Variants in PDLIM5 observed in about 807,000 individuals in gnomAD.
The protein encoded by PDLIM5 is PDZ and LIM domain 5, also known as PDZ and LIM domain protein 5.
In PDLIM5, 34 loss-of-function variants were observed where a neutral mutation model predicts 64.2. The observed-to-expected ratio is 0.53, with a 90% CI of 0.40 to 0.71. The LOEUF (loss-of-function observed/expected upper bound fraction) is 0.71, where lower values mean the gene tolerates loss of function less well. PDLIM5 is among the 30% of genes least tolerant of loss of function. PDLIM5 has a pLI of 0.00. For missense variants in PDLIM5, 683 were observed against 733.6 expected (o/e 0.93, Z 0.80); for synonymous variants, 253 against 269.1 (o/e 0.94, Z 0.59).
At chr4:94,461,884 T>C (rs1054432218) in intron 2 of PDLIM5, among the ~76,000 whole-genome samples, 25 of 152,264 alleles carry the variant, frequency 1.6e-4, no homozygotes, top group Admixed American at 6.5e-4. Context: ...AGAGGACTTT[T>C]TAAAAGGCTG....
intron 9 of PDLIM5, among the ~76,000 whole-genome samples, chr4:94,643,705 C>T (rs1741182510): frequency 6.6e-6 from 1 of 152,158 alleles, no homozygotes; most frequent in African/African-American, 2.4e-5. Context: ...GCCTACAGTA[C>T]AGCACCAGAA....
At chr4:94,520,984 G>A (rs1206236085) in intron 2 of PDLIM5, among the ~76,000 whole-genome samples, 1 of 152,168 alleles carries the variant, frequency 6.6e-6, no homozygotes, top group African/African-American at 2.4e-5. Flanking sequence ...CCTAATAATT[G>A]TTATACAAAG....
intron 2 of PDLIM5, among the ~76,000 whole-genome samples, chr4:94,476,826 A>G (rs2510762): frequency 0.45 from 69,078 of 152,018 alleles, 16,367 homozygotes; most frequent in African/African-American, 0.55. Flanking sequence ...GTAACCTAGA[A>G]TAAGTTATAA....
chr4:94,630,098 C>T (rs1740020761), intron 8 of PDLIM5, among the ~76,000 whole-genome samples: 1 of 152,158 alleles, frequency 6.6e-6, no homozygotes, highest in Non-Finnish European at 1.5e-5. Flanking sequence ...GACTGCTACC[C>T]AATTTAGTAT....
chr4:94,641,124 T>C (rs1740972176), intron 9 of PDLIM5, among the ~76,000 whole-genome samples: 1 of 152,202 alleles, frequency 6.6e-6, no homozygotes, highest in South Asian at 2.1e-4. Context: ...TAGGCACCAG[T>C]GCTGATTGCA....
chr4:94,607,147 GGT>G (rs540430226), intron 7 of PDLIM5, among the ~76,000 whole-genome samples: 363 of 151,956 alleles, frequency 2.4e-3, no homozygotes, highest in African/African-American at 8.4e-3. Flanking sequence ...TCAACACTCT[GGT>G]AAAGGTATGA....
At chr4:94,497,850 G>A (rs1727544013) in intron 2 of PDLIM5, among the ~76,000 whole-genome samples, 3 of 152,170 alleles carry the variant, frequency 2.0e-5, no homozygotes, top group African/African-American at 7.2e-5. Context: ...AAAACTGCAA[G>A]ATTGAATGGG....
chr4:94,539,013 G>A (rs1188936798), intron 3 of PDLIM5, among the ~76,000 whole-genome samples: 1 of 152,196 alleles, frequency 6.6e-6, no homozygotes, highest in African/African-American at 2.4e-5. Flanking sequence ...GATAAAGTTT[G>A]CTGGGATCTT....
At chr4:94,455,851 A>C in intron 2 of PDLIM5, 1 of 1,386,484 alleles carries the variant, frequency 7.2e-7, no homozygotes, top group Middle Eastern at 1.8e-4. Context: ...AGCCAACAGT[A>C]AGATGGCCAA....
rs148158963 is a variant in PDLIM5, at chr4:94,559,387, T to C, written c.249-13964T>C. 1.9e-3 allele frequency among the ~76,000 whole-genome samples: 289 copies of C among 152,336 alleles called. 1 individual carries two copies. The highest frequency in any genetic ancestry group is 0.01 in the Middle Eastern group (3 of 294). The stretch of plus-strand genomic sequence containing the variant: ...GTCTTCTTCTAGCCATACTCATCAA[T>C]ATTCTAGCACATTTAACTGCTGATC... On this transcript the variant is annotated intron_variant, in intron 3 of 12. Transcript: ENST00000317968.
At chr4:94,502,731 G>A (rs1310493593) in intron 2 of PDLIM5, among the ~76,000 whole-genome samples, 1 of 152,048 alleles carries the variant, frequency 6.6e-6, no homozygotes, top group Non-Finnish European at 1.5e-5. Context: ...ACAAAAATTA[G>A]CCGGGCGGGG....
chr4:94,560,502 G>A (rs1733740186), intron 3 of PDLIM5, among the ~76,000 whole-genome samples: 2 of 152,158 alleles, frequency 1.3e-5, no homozygotes, highest in Non-Finnish European at 2.9e-5. Flanking sequence ...TAGGTTTAGT[G>A]TCCTGAGTAC....
rs1037448520 is a variant in PDLIM5 at position 94,465,683 on chromosome 4, G to C, written c.96+10299G>C. 5.3e-5 allele frequency among the ~76,000 whole-genome samples: 8 copies of C among 152,134 alleles called. No homozygotes were observed. In the East Asian group the frequency reaches 1.5e-3, roughly 29 times the overall value. On this transcript the variant is annotated intron_variant, in intron 2 of 12. Coordinates refer to ENST00000317968, the MANE Select transcript of PDLIM5 (RefSeq NM_006457.5). ...CAAAGTGCTGGGATTACAGGCATGAGCCACCTTGCCCAGCCAGGAAGTACA... is the reference window on the plus strand; with the variant it reads ...CAAAGTGCTGGGATTACAGGCATGACCCACCTTGCCCAGCCAGGAAGTACA...
intron 2 of PDLIM5, among the ~76,000 whole-genome samples, chr4:94,489,798 C>T (rs1472471914): frequency 6.6e-6 from 1 of 151,992 alleles, no homozygotes; most frequent in African/African-American, 2.4e-5. Context: ...AAAATTTCCT[C>T]AGCCTCTTCC....
At chr4:94,456,119 TAA>T (rs1578185525) in intron 2 of PDLIM5, 2 of 663,334 alleles carry the variant, frequency 3.0e-6, no homozygotes, top group Non-Finnish European at 2.3e-6. Context: ...TACTATTATA[TAA>T]GTTTCTAAAA....
intron 2 of PDLIM5, among the ~76,000 whole-genome samples, chr4:94,469,377 A>C (rs1021637100): frequency 3.9e-5 from 6 of 152,224 alleles, no homozygotes; most frequent in African/African-American, 7.2e-5. Context: ...CTGAGGAGGC[A>C]GCATTGACCT....
At chr4:94,557,368 A>G (rs144144081) in intron 3 of PDLIM5, among the ~76,000 whole-genome samples, 2,327 of 152,304 alleles carry the variant, frequency 0.015, 62 homozygotes, top group African/African-American at 0.053. Flanking sequence ...CTTTTTGCTT[A>G]GGATTGACTT....
intron 9 of PDLIM5, among the ~76,000 whole-genome samples, chr4:94,648,880 AG>A (rs1435485945): frequency 2.0e-5 from 3 of 152,068 alleles, no homozygotes; most frequent in African/African-American, 7.2e-5. Context: ...ACTTCTTTTA[AG>A]GGTTTACCTG....
At chr4:94,610,303 A>T (rs1225203962) in intron 7 of PDLIM5, 2 of 1,510,306 alleles carry the variant, frequency 1.3e-6, no homozygotes, top group African/African-American at 2.8e-5. Context: ...TACAAAAACC[A>T]GGTAGAACTA....
Sources: gnomAD v4.1 joint callset for allele counts (sites outside exome capture counted in the v4.1 genomes callset) on GRCh38, gnomAD v4.1.1 for gene constraint, MANE v1.5 for transcripts, NCBI Gene and HGNC (gene_info 2026-07-23, HGNC 2026-07-21) for gene names.